The following USP50 variants were observed in gnomAD, a reference collection of about 807,000 sequenced individuals.
The protein encoded by USP50 is ubiquitin specific peptidase 50.
A neutral mutation model predicts 39.2 loss-of-function variants in USP50; 37 were observed. The ratio of observed to expected loss-of-function variants is 0.94; its 90% CI spans 0.73 to 1.24. The LOEUF (loss-of-function observed/expected upper bound fraction) is 1.24. Among genes scored for constraint, USP50 ranks in the 50% most tolerant of loss-of-function variants. USP50 has a pLI of 0.00. For synonymous variants in USP50, 139 were observed against 144.5 expected, an observed-to-expected ratio of 0.96 and a Z score of 0.27; for missense variants, 374 against 398.2, an observed-to-expected ratio of 0.94 and a Z score of 0.52.
chr15:50,497,032 C>G (rs2052442174), downstream of USP50: 5 of 1,550,340 alleles, frequency 3.2e-6, no homozygotes, highest in African/African-American at 5.5e-5. Flanking sequence ...TAGGTGCTCT[C>G]TGACATTATT....
intron 6 of USP50, chr15:50,504,195 T>TA (rs1698918850): frequency 6.6e-6 from 1 of 152,136 alleles, no homozygotes; most frequent in Non-Finnish European, 1.5e-5. Flanking sequence ...AGAGATGACT[T>TA]AAAGTATATG....
rs1049763804 is a variant in USP50, at chr15:50,527,290, C to T, written c.936+2507G>A. On this transcript the variant is annotated intron_variant, in intron 6 of 6. Coordinates refer to ENST00000532404, the MANE Select transcript of USP50 (RefSeq NM_203494.5). ...CACGATCTCAGCTCACTGCAACCTC[C>T]GCCTCCCAGGTTCAAGTGATTCTCC... 2.6e-5 allele frequency among the ~76,000 whole-genome samples: 4 copies of T among 152,116 alleles called. No individual in the cohort carries two copies. In the East Asian group the frequency reaches 7.7e-4, roughly 29 times the overall value.
intron 6 of USP50, 43 bp downstream of exon 6, chr15:50,529,754 T>G: frequency 6.3e-7 from 1 of 1,589,476 alleles, no homozygotes; most frequent in East Asian, 2.2e-5. Flanking sequence ...TTCTGGAGTT[T>G]TCTTTAAAAT....
intron 6 of USP50, among the ~76,000 whole-genome samples, chr15:50,519,354 T>A (rs1354434735): frequency 2.0e-5 from 3 of 151,872 alleles, no homozygotes; most frequent in Non-Finnish European, 4.4e-5. Flanking sequence ...TCTCAAAAGA[T>A]GACAAATAGC....
intron 6 of USP50, among the ~76,000 whole-genome samples, chr15:50,514,904 G>C (rs1028937766): frequency 3.3e-5 from 5 of 149,422 alleles, no homozygotes; most frequent in Non-Finnish European, 4.4e-5. Context: ...GCTGAGATGC[G>C]AGAATCACTT....
At chr15:50,516,292 A>G (rs1465751612) in intron 6 of USP50, among the ~76,000 whole-genome samples, 3 of 152,194 alleles carry the variant, frequency 2.0e-5, no homozygotes, top group African/African-American at 7.2e-5. Flanking sequence ...TTAAGTGTAA[A>G]TGGATAAAAC....
At chr15:50,514,099 C>T (rs1452449524) in intron 6 of USP50, 1 of 152,018 alleles carries the variant, frequency 6.6e-6, no homozygotes, top group African/African-American at 2.4e-5. Flanking sequence ...GAATAAATTA[C>T]AATATAAACA....
downstream of USP50, among the ~76,000 whole-genome samples, chr15:50,496,405 C>T (rs969140381): frequency 1.0e-4 from 15 of 150,712 alleles, no homozygotes; most frequent in South Asian, 2.3e-3. Flanking sequence ...GGCGTGAACC[C>T]TGGAGGCGGA....
intron 1 of USP50, 81 bp downstream of exon 1, chr15:50,546,392 A>T: frequency 6.9e-7 from 1 of 1,451,096 alleles, no homozygotes; most frequent in Non-Finnish European, 9.7e-7. Flanking sequence ...TCCTGAATGC[A>T]GTGTGTGTCC....
At chr15:50,537,513 T>G (rs1240075091) in intron 5 of USP50, among the ~76,000 whole-genome samples, 1 of 147,190 alleles carries the variant, frequency 6.8e-6, no homozygotes, top group Non-Finnish European at 1.5e-5. Context: ...AAACAAGCCA[T>G]GGACTAAAAA....
intron 6 of USP50, chr15:50,504,541 A>G (rs1467436938): frequency 6.6e-6 from 1 of 152,168 alleles, no homozygotes; most frequent in Non-Finnish European, 1.5e-5. Context: ...AAAACAAAAA[A>G]CACCAGAAAA....
At position 50,541,099 on chromosome 15, in the gene USP50, A is replaced by G; in HGVS notation, c.610T>C (p.Phe204Leu). ...CEKCTYKNEVFTVFSLPIPSK... is the reference protein window; with the variant it reads ...CEKCTYKNEVLTVFSLPIPSK... ...GGAATGGGGAGTGAGAAGACAGTGA[A>G]GACTTCGTTCTTGTAGGTGCATTTC... Residue 204 changes from phenylalanine to leucine, a missense_variant, in exon 4 of 7, where the codon TTC becomes CTC. Physicochemically the swap from Phe to Leu is conservative, Grantham distance 22. Transcript: ENST00000532404. 6.2e-7 allele frequency: 1 copy of G among 1,613,960 alleles called. No homozygotes were observed. The highest frequency in any genetic ancestry group is 8.5e-7 in the Non-Finnish European group (1 of 1,179,874).
intron 6 of USP50, among the ~76,000 whole-genome samples, chr15:50,521,731 G>T (rs2052852423): frequency 6.6e-6 from 1 of 152,170 alleles, no homozygotes. Flanking sequence ...GGGAGGCCAA[G>T]GCAGGTGGAT....
rs1186859025 is a variant in USP50, at chr15:50,529,827, T to C, written c.906A>G (p.Lys302=). 1.7e-5 allele frequency: 27 copies of C among 1,613,944 alleles called. No individual in the cohort carries two copies. Among genetic ancestry groups the C allele is most frequent in the Non-Finnish European group, 2.3e-5 (27 of 1,179,878 alleles). The change falls in exon 6 of 7, where the codon AAA becomes AAG. Residue 302 remains lysine (K), a synonymous_variant. Transcript: ENST00000532404. ...CTGCACAGAGGTTGTATTTAGGATATTTCCGGAAAATTGAGCAAATATAAG... is the reference window on the plus strand; with the variant it reads ...CTGCACAGAGGTTGTATTTAGGATACTTCCGGAAAATTGAGCAAATATAAG... ...LTPYICSIFR[K]YPKYNLCAVV... is the part of the protein sequence containing the mutation.
chr15:50,497,165 G>A (rs755050919), downstream of USP50: 61 of 1,610,730 alleles, frequency 3.8e-5, no homozygotes, highest in Admixed American at 2.7e-4. Flanking sequence ...TGCAGAGCTC[G>A]ACGGGATTCT....
At chr15:50,498,398 T>G, downstream of USP50, 3 of 604,392 alleles carry the variant, frequency 5.0e-6, no homozygotes, top group Non-Finnish European at 8.0e-6. Flanking sequence ...TCATTAAATA[T>G]CCATATGCCT....
downstream of USP50, among the ~76,000 whole-genome samples, chr15:50,497,871 C>CA (rs753378885): frequency 1.9e-4 from 29 of 152,120 alleles, 1 homozygote; most frequent in South Asian, 3.3e-3. Context: ...ATTTTTGTGT[C>CA]AAAAAAGCAT....
Position 50,541,175 on chromosome 15 carries a change from G to A in USP50, c.534C>T (p.Thr178=). 1.9e-6 allele frequency: 3 copies of A among 1,613,806 alleles called. No individual in the cohort carries two copies. Among genetic ancestry groups the A allele is most frequent in the Non-Finnish European group, 2.5e-6 (3 of 1,179,796 alleles). ...AATTGAGCTGCTCTTCAAACAGCTG[G>A]GTGATGATGGATGTCTCAGTGGTAA... The part of the protein sequence containing the change: ...KWITTETSII[T]QLFEEQLNYS... Residue 178 remains threonine, a synonymous_variant, in exon 4 of 7, where the codon ACC becomes ACT. Transcript: ENST00000532404.
At chr15:50,499,061 A>G (rs1412842498), downstream of USP50, 1 of 1,611,284 alleles carries the variant, frequency 6.2e-7, no homozygotes, top group Non-Finnish European at 8.5e-7. Context: ...CTTCATTGGG[A>G]CCACGAGTAA....
Sources: gnomAD v4.1 joint callset for allele counts (sites outside exome capture counted in the v4.1 genomes callset) on GRCh38, gnomAD v4.1.1 for gene constraint, MANE v1.5 for transcripts, NCBI Gene and HGNC (gene_info 2026-07-23, HGNC 2026-07-21) for gene names.